TDRP: variants seen among roughly 807,000 people sequenced by gnomAD.
TDRP encodes testis development-related protein.
TDRP carries 12 observed loss-of-function variants against 10.5 expected under a neutral mutation model. The ratio of observed to expected loss-of-function variants is 1.15; its 90% CI spans 0.73 to 1.86. The LOEUF is 1.86. TDRP is among the 40% of genes most tolerant of loss of function. The probability of loss-of-function intolerance (pLI) is 0.00; values close to 1 mark genes in which losing one functional copy is unlikely to be tolerated. For synonymous variants in TDRP, 139 were observed against 95.4 expected (o/e 1.46, Z -2.67); for missense variants, 353 against 229.2 (o/e 1.54, Z -3.49).
At position 531,597 on chromosome 8, in the gene TDRP, C is replaced by G. The variant is rs574541638; in HGVS notation, c.108+13053G>C. Among the ~76,000 whole-genome samples, 244 of 152,264 alleles carry G rather than the reference C, an allele frequency of 1.6e-3. 3 individuals are homozygous for G. Among genetic ancestry groups the G allele is most frequent in the African/African-American group, 5.7e-3 (238 of 41,552 alleles). On this transcript the variant is annotated intron_variant, in intron 1 of 2. Transcript: ENST00000324079. ...TTTATCTACGACAAAAATGAAAAGG[C>G]GTAAGGATGCCATCTTTAATCACAG...
chr8:514,553 G>A (rs1404665599), intron 1 of TDRP, among the ~76,000 whole-genome samples: 2 of 152,106 alleles, frequency 1.3e-5, no homozygotes, highest in African/African-American at 4.8e-5. Context: ...TGCCAAGTCT[G>A]TTGACCTCAG....
intron 1 of TDRP, among the ~76,000 whole-genome samples, chr8:528,788 T>C (rs939012149): frequency 6.6e-6 from 1 of 152,162 alleles, no homozygotes; most frequent in Admixed American, 6.5e-5. Flanking sequence ...TATATACATA[T>C]ATTTATTTAT....
chr8:527,749 A>C (rs1802071258), intron 1 of TDRP, among the ~76,000 whole-genome samples: 1 of 152,186 alleles, frequency 6.6e-6, no homozygotes, highest in African/African-American at 2.4e-5. Context: ...ATACACACAC[A>C]CAAAAAATCA....
intron 1 of TDRP, among the ~76,000 whole-genome samples, chr8:496,383 G>A (rs147889637): frequency 6.6e-6 from 1 of 152,344 alleles, no homozygotes; most frequent in African/African-American, 2.4e-5. Flanking sequence ...GAAGGACCAT[G>A]TGCAGTCACT....
At chr8:527,302 G>C (rs571951789) in intron 1 of TDRP, among the ~76,000 whole-genome samples, 2 of 152,086 alleles carry the variant, frequency 1.3e-5, no homozygotes, top group Non-Finnish European at 2.9e-5. Context: ...CATGTTCATG[G>C]ACTGGAAGAG....
chr8:516,571 C>T (rs190440334), intron 1 of TDRP, among the ~76,000 whole-genome samples: 1 of 152,308 alleles, frequency 6.6e-6, no homozygotes, highest in East Asian at 1.9e-4. Flanking sequence ...CTGCCACACA[C>T]CTATCAGAAC....
chr8:508,959 G>C (rs150394954), intron 1 of TDRP, among the ~76,000 whole-genome samples: 3,831 of 152,198 alleles, frequency 0.025, 153 homozygotes, highest in African/African-American at 0.088. Context: ...CAAAACAAAG[G>C]GGCTACAGGC....
At chr8:494,373 C>A in intron 2 of TDRP, 121 bp downstream of exon 2, 1 of 869,082 alleles carries the variant, frequency 1.2e-6, no homozygotes, top group Non-Finnish European at 1.8e-6. Context: ...AACATGGACT[C>A]GCCGCGCCCC....
At position 544,674 on chromosome 8, in the gene TDRP, G is replaced by C. The variant is rs553014928; in HGVS notation, c.84C>G (p.Ala28=). Residue 28 remains alanine, a synonymous_variant, in exon 1 of 3, where the codon GCC becomes GCG. Transcript: ENST00000324079. ...CCTGCGCCTGGGCGGCGGCGGCGGC[G>C]GCCGGTGGCGGCCCCCCACGCAGGC... ...EDGLRGGPPP[A]AAAAAQAQVQ... The C allele has an allele frequency of 6.5e-6, 8 of 1,228,800 alleles. No homozygotes were observed. The highest frequency in any genetic ancestry group is 5.1e-6 in the Non-Finnish European group (5 of 982,348). 76.1% of individuals were successfully genotyped at this position (1,228,800 alleles called of 1,614,324 possible). A position where few individuals can be genotyped will look rare whatever the true frequency, so the allele number is the denominator to read the frequency against.
intron 1 of TDRP, among the ~76,000 whole-genome samples, chr8:532,722 A>G (rs7819081): frequency 0.17 from 26,604 of 152,212 alleles, 2,728 homozygotes; most frequent in African/African-American, 0.29. Flanking sequence ...CTGTATCACA[A>G]ACTCTAATAA....
intron 1 of TDRP, among the ~76,000 whole-genome samples, chr8:520,283 T>G (rs1801867019): frequency 6.6e-6 from 1 of 152,166 alleles, no homozygotes; most frequent in Non-Finnish European, 1.5e-5. Flanking sequence ...ATTATCAGAT[T>G]TCCTTCTTTT....
At chr8:539,946 A>G (rs1802449433) in intron 1 of TDRP, among the ~76,000 whole-genome samples, 1 of 152,226 alleles carries the variant, frequency 6.6e-6, no homozygotes, top group South Asian at 2.1e-4. Flanking sequence ...TCTACAGAAT[A>G]TGTCTAAGCT....
At chr8:509,523 C>T (rs1051551727) in intron 1 of TDRP, among the ~76,000 whole-genome samples, 14 of 152,224 alleles carry the variant, frequency 9.2e-5, no homozygotes, top group Admixed American at 8.5e-4. Context: ...CTGAGCTGTA[C>T]CTTGGTACCT....
At chr8:499,956 T>C (rs968122660) in intron 1 of TDRP, among the ~76,000 whole-genome samples, 50 of 152,178 alleles carry the variant, frequency 3.3e-4, no homozygotes, top group African/African-American at 1.2e-3. Context: ...GGAAAAGCCC[T>C]GTAGAGTGTT....
chr8:494,626 T>C (rs1448634750), intron 1 of TDRP, 29 bp from the exon 2 acceptor site: 7 of 1,590,764 alleles, frequency 4.4e-6, no homozygotes, highest in Non-Finnish European at 4.3e-6. Context: ...AAATGTCAAA[T>C]CTGATGTCAT....
chr8:533,878 T>G (rs1208057156), intron 1 of TDRP, among the ~76,000 whole-genome samples: 2 of 152,148 alleles, frequency 1.3e-5, no homozygotes, highest in African/African-American at 4.8e-5. Flanking sequence ...ACTGTTTATC[T>G]CCCATAGTAA....
At chr8:511,063 A>G (rs1801603750) in intron 1 of TDRP, among the ~76,000 whole-genome samples, 1 of 152,220 alleles carries the variant, frequency 6.6e-6, no homozygotes, top group African/African-American at 2.4e-5. Flanking sequence ...AGAAAGCAGC[A>G]AAGGAACAAA....
chr8:526,270 T>C (rs1168792022), intron 1 of TDRP, among the ~76,000 whole-genome samples: 1 of 152,154 alleles, frequency 6.6e-6, no homozygotes, highest in African/African-American at 2.4e-5. Flanking sequence ...AGTGCTAGAA[T>C]TACAGATGTG....
intron 1 of TDRP, among the ~76,000 whole-genome samples, chr8:523,312 A>T (rs1372390730): frequency 6.6e-6 from 1 of 152,184 alleles, no homozygotes; most frequent in Non-Finnish European, 1.5e-5. Flanking sequence ...TTCCTATCAC[A>T]AATTAATTTT....
Sources: gnomAD v4.1 joint callset for allele counts (sites outside exome capture counted in the v4.1 genomes callset) on GRCh38, gnomAD v4.1.1 for gene constraint, MANE v1.5 for transcripts, NCBI Gene and HGNC (gene_info 2026-07-23, HGNC 2026-07-21) for gene names.